MAPK10: variants seen among roughly 807,000 people sequenced by gnomAD.
MAPK10 encodes the protein JNK3 alpha protein kinase.
Under a neutral mutation model 59.3 loss-of-function variants are expected in MAPK10, and 25 were observed. The observed-to-expected ratio is 0.42, with a 90% confidence interval of 0.31 to 0.59. The LOEUF (loss-of-function observed/expected upper bound fraction) is 0.59. Among genes scored for constraint, MAPK10 ranks in the 20% least tolerant of loss-of-function variants. MAPK10 has a pLI of 0.15. For synonymous variants in MAPK10, 190 were observed against 200.5 expected (o/e 0.95, Z 0.44); for missense variants, 351 against 568.9 (o/e 0.62, Z 3.90).
chr4:86,063,010 A>T lies in MAPK10; in HGVS notation c.1110+1256T>A, dbSNP rs993553069. 3.9e-5 allele frequency among the ~76,000 whole-genome samples: 6 copies of T among 152,332 alleles called. No individual in the cohort carries two copies. In the Middle Eastern group the frequency reaches 0.014, roughly 345 times the overall value. ...TGAGGCAACATGAAATCTCAACATC[A>T]TTGTAAAACTAAGAGAGCAGATCTT... On this transcript the variant is annotated intron_variant, in intron 11 of 13. Transcript: ENST00000641462.
At chr4:86,189,260 G>GT (rs1271916113) in intron 3 of MAPK10, among the ~76,000 whole-genome samples, 16 of 152,118 alleles carry the variant, frequency 1.1e-4, no homozygotes, top group Admixed American at 1.0e-3. Context: ...ATTTAAAGTA[G>GT]TTTTTTCTAA....
In MAPK10 at chr4:86,275,486, G is replaced by A. The variant is rs1349848614; in HGVS notation, c.-7+79044C>T. Among the ~76,000 whole-genome samples the A allele has an allele frequency of 3.3e-5, 5 of 151,946 alleles. 1 individual carries two copies. The highest frequency in any genetic ancestry group is 1.2e-4 in the African/African-American group (5 of 41,400). On this transcript the variant is annotated intron_variant, in intron 2 of 13. Transcript: ENST00000641462. ...AAAATCATATTTTATCAACGTAGAAGACCCAAAAGACAGCAAATATCAGAG... is the reference window on the plus strand; with the variant it reads ...AAAATCATATTTTATCAACGTAGAAAACCCAAAAGACAGCAAATATCAGAG...
At chr4:86,214,253 T>C (rs1203686426) in intron 2 of MAPK10, among the ~76,000 whole-genome samples, 1 of 152,046 alleles carries the variant, frequency 6.6e-6, no homozygotes, top group African/African-American at 2.4e-5. Context: ...AAGAACCATA[T>C]ATGAAAAACT....
chr4:86,440,525 G>A (rs988474811), intron 1 of MAPK10, among the ~76,000 whole-genome samples: 2 of 151,932 alleles, frequency 1.3e-5, no homozygotes, highest in Non-Finnish European at 2.9e-5. Flanking sequence ...CAGCTACTTA[G>A]GAGGCTGAGG....
chr4:86,120,949 G>A (rs567723253), intron 4 of MAPK10, among the ~76,000 whole-genome samples: 5 of 152,128 alleles, frequency 3.3e-5, no homozygotes, highest in South Asian at 4.2e-4. Flanking sequence ...AAACCCTTCC[G>A]ACAGAAATAA....
chr4:86,197,943 C>T (rs1233671524), intron 2 of MAPK10, among the ~76,000 whole-genome samples: 1 of 152,062 alleles, frequency 6.6e-6, no homozygotes, highest in Non-Finnish European at 1.5e-5. Context: ...AGAACAGACA[C>T]AGACATACAT....
At chr4:86,064,416 T>C in intron 10 of MAPK10, 26 bp from the exon 11 acceptor site, 1 of 1,612,006 alleles carries the variant, frequency 6.2e-7, no homozygotes, top group South Asian at 1.1e-5. Flanking sequence ...AGAAAAACAA[T>C]TAGTAAGATT....
At chr4:86,310,564 T>C (rs2095648816) in intron 2 of MAPK10, among the ~76,000 whole-genome samples, 1 of 152,162 alleles carries the variant, frequency 6.6e-6, no homozygotes, top group African/African-American at 2.4e-5. Context: ...CAAGTAACTT[T>C]CTTATAAGCA....
At chr4:86,286,354 A>T (rs764984417) in intron 2 of MAPK10, among the ~76,000 whole-genome samples, 23 of 152,176 alleles carry the variant, frequency 1.5e-4, no homozygotes, top group Non-Finnish European at 2.4e-4. Flanking sequence ...CGTTATTCTC[A>T]TAGAGATTCT....
chr4:86,398,094 C>T (rs1020356578), intron 1 of MAPK10, among the ~76,000 whole-genome samples: 4 of 151,850 alleles, frequency 2.6e-5, no homozygotes, highest in East Asian at 1.9e-4. Flanking sequence ...AAGAGACAGG[C>T]GCACAGGCAG....
rs149269885 is a variant in MAPK10 at position 86,534,511 on chromosome 4, A to C, written c.-263+59399T>G. On this transcript the variant is annotated intron_variant, in intron 1 of 4. Coordinates refer to the MAPK10 transcript ENST00000502302. ...CAATGTTGCCTTTTAGTTTTAACAAATGCACAATGGTATTGTGAGATATTA... is the reference window on the plus strand; with the variant it reads ...CAATGTTGCCTTTTAGTTTTAACAACTGCACAATGGTATTGTGAGATATTA... 4.8e-4 allele frequency among the ~76,000 whole-genome samples: 73 copies of C among 152,282 alleles called. No homozygotes were observed. The South Asian group carries it at 7.5e-3, about 16-fold the overall frequency.
intron 2 of MAPK10, chr4:86,327,702 G>A (rs543119059): frequency 6.6e-6 from 1 of 150,850 alleles, no homozygotes; most frequent in South Asian, 2.1e-4. Context: ...CACTTTGGGA[G>A]GCCAAGGCGG....
chr4:86,063,646 T>C (rs2046162097), intron 11 of MAPK10, among the ~76,000 whole-genome samples: 2 of 151,968 alleles, frequency 1.3e-5, no homozygotes, highest in South Asian at 2.1e-4. Context: ...AGATAGTAAA[T>C]GGTTGAAAAA....
Position 86,175,855 on chromosome 4 carries a change from G to C in MAPK10, c.67-16388C>G, listed in dbSNP as rs187123670. ...TGCACAATTATGAAAGGATTTAATTGGTACCTCACTTTAATAGTTCCACAT... is the reference window on the plus strand; with the variant it reads ...TGCACAATTATGAAAGGATTTAATTCGTACCTCACTTTAATAGTTCCACAT... On this transcript the variant is annotated intron_variant, in intron 3 of 13. Transcript: ENST00000641462. 5 of 152,224 alleles carry C rather than the reference G, an allele frequency of 3.3e-5. No homozygotes were observed. In the East Asian group the frequency reaches 9.7e-4, roughly 29 times the overall value. The allele number at this position is 152,224 out of a possible 1,614,324, so 9.4% of individuals were successfully genotyped here.
chr4:86,240,860 T>C (rs576214927), intron 2 of MAPK10, among the ~76,000 whole-genome samples: 9 of 152,300 alleles, frequency 5.9e-5, no homozygotes, highest in African/African-American at 1.7e-4. Flanking sequence ...TATTGTTATA[T>C]GTGAATTTGA....
At chr4:86,148,474 G>A (rs563668751) in intron 4 of MAPK10, among the ~76,000 whole-genome samples, 136 of 151,734 alleles carry the variant, frequency 9.0e-4, no homozygotes, top group African/African-American at 3.2e-3. Context: ...TATGGAAGAC[G>A]GACTAGGAGA....
At chr4:86,296,175 C>CA (rs34854999) in intron 2 of MAPK10, among the ~76,000 whole-genome samples, 1,172 of 116,180 alleles carry the variant, frequency 0.01, 14 homozygotes, top group African/African-American at 0.028. Context: ...GACTTGGTCT[C>CA]AAAAAAAAAA....
chr4:86,140,771 G>A (rs1042015282), intron 4 of MAPK10, among the ~76,000 whole-genome samples: 1 of 151,964 alleles, frequency 6.6e-6, no homozygotes, highest in African/African-American at 2.4e-5. Flanking sequence ...GCACAGGCAG[G>A]TGTGCACAAA....
intron 11 of MAPK10, among the ~76,000 whole-genome samples, chr4:86,042,728 C>T (rs754979599): frequency 6.6e-6 from 1 of 150,782 alleles, no homozygotes; most frequent in Non-Finnish European, 1.5e-5. Context: ...GGAATCAAAG[C>T]ATACCACCAG....
Sources: allele counts gnomAD v4.1 joint callset (sites outside exome capture counted in the v4.1 genomes callset), GRCh38; gene constraint gnomAD v4.1.1; transcripts MANE v1.5; gene names NCBI Gene and HGNC (gene_info 2026-07-23, HGNC 2026-07-21).